The following DYRK4 variants were observed in gnomAD, a reference collection of about 807,000 sequenced individuals.
DYRK4 encodes the protein dual specificity tyrosine-phosphorylation-regulated kinase 4.
DYRK4 carries 64 observed loss-of-function variants against 68.3 expected under a neutral mutation model. The observed-to-expected ratio is 0.94, with a 90% CI of 0.77 to 1.15. The LOEUF (loss-of-function observed/expected upper bound fraction) is 1.15, where lower values mean the gene tolerates loss of function less well. DYRK4 is among the 50% of genes most tolerant of loss of function. The pLI, the probability that DYRK4 is intolerant of heterozygous loss-of-function variation, is 0.00. For synonymous variants in DYRK4, 274 were observed against 289.9 expected, an observed-to-expected ratio of 0.95 and a Z score of 0.56; for missense variants, 740 against 764.7, an observed-to-expected ratio of 0.97 and a Z score of 0.38.
chr12:4,562,233 C>A lies in DYRK4; in HGVS notation c.-13C>A. 1 of 1,525,196 alleles carries A rather than the reference C, an allele frequency of 6.6e-7. No homozygotes were observed. Among genetic ancestry groups the A allele is most frequent in the Non-Finnish European group, 8.8e-7 (1 of 1,141,692 alleles). The allele number at this position is 1,525,196 out of a possible 1,614,324, so 94.5% of individuals were successfully genotyped here. A position where few individuals can be genotyped will look rare whatever the true frequency, so the allele number is the denominator to read the frequency against. On this transcript the variant is annotated 5_prime_UTR_variant, in exon 1 of 15. Transcript: ENST00000543431. Reference sequence around the variant, plus strand: ...ACAGCCTCCCGCAGCGGCGGGCGGTCAGCGCCGGCCTCATGCAGCTCCTCC... The same window carrying A: ...ACAGCCTCCCGCAGCGGCGGGCGGTAAGCGCCGGCCTCATGCAGCTCCTCC...
chr12:4,571,645 T>A (rs1944731544), intron 2 of DYRK4, among the ~76,000 whole-genome samples: 1 of 152,230 alleles, frequency 6.6e-6, no homozygotes, highest in Admixed American at 6.5e-5. Context: ...TTTTATCGTA[T>A]GCCAATTAAT....
intron 1 of DYRK4, chr12:4,562,964 C>T: frequency 2.4e-6 from 1 of 422,194 alleles, no homozygotes; most frequent in South Asian, 1.7e-5. Flanking sequence ...AAATGTCCAG[C>T]AGCCCCTCAA....
chr12:4,562,761 A>G (rs1170234121), intron 1 of DYRK4, among the ~76,000 whole-genome samples: 2 of 152,216 alleles, frequency 1.3e-5, no homozygotes, highest in East Asian at 1.9e-4. Flanking sequence ...CCCAGCCCAT[A>G]TGCCCGGGCA....
chr12:4,585,821 T>C (rs1019169040), intron 2 of DYRK4, among the ~76,000 whole-genome samples: 21 of 152,248 alleles, frequency 1.4e-4, no homozygotes, highest in African/African-American at 5.1e-4. Context: ...AAGCAGTACA[T>C]ATTCATACAA....
In DYRK4 at chr12:4,604,947, C is replaced by A. The variant is rs561851186; in HGVS notation, c.1160C>A (p.Ser387Tyr). The A allele has an allele frequency of 1.2e-6, 2 of 1,612,642 alleles. No individual in the cohort carries two copies. Among genetic ancestry groups the A allele is most frequent in the African/African-American group, 1.3e-5 (1 of 74,904 alleles). The change falls in exon 11 of 15, where the codon TCC becomes TAC. Residue 387 changes from serine to tyrosine, a missense_variant. By Grantham distance (144) the Ser-to-Tyr change is moderately radical (BLOSUM62 -2). Coordinates refer to ENST00000543431, the MANE Select transcript of DYRK4 (RefSeq NM_001394779.1). Reference protein sequence around the residue: ...YTYIQSRFYRSPEVILGHPYD... With the variant: ...YTYIQSRFYRYPEVILGHPYD... ...TACATCCAAAGCCGGTTCTACCGATCCCCAGAAGTGATCCTGGGCCACCCC... is the reference window on the plus strand; with the variant it reads ...TACATCCAAAGCCGGTTCTACCGATACCCAGAAGTGATCCTGGGCCACCCC...
intron 11 of DYRK4, 77 bp from the exon 12 acceptor site, chr12:4,607,250 C>T: frequency 6.4e-7 from 1 of 1,569,664 alleles, no homozygotes; most frequent in Non-Finnish European, 8.8e-7. Flanking sequence ...CAAAGCTTGG[C>T]CAAAGTACGC....
At chr12:4,574,630 T>A (rs1326289507) in intron 2 of DYRK4, among the ~76,000 whole-genome samples, 1 of 152,254 alleles carries the variant, frequency 6.6e-6, no homozygotes, top group African/African-American at 2.4e-5. Flanking sequence ...TTAACTACCA[T>A]GTTTCATTAT....
chr12:4,565,627 CTTT>C (rs10717580), intron 1 of DYRK4, among the ~76,000 whole-genome samples: 1 of 143,896 alleles, frequency 6.9e-6, no homozygotes. Context: ...TTCACATTTA[CTTT>C]TTTTTTTTTT....
intron 10 of DYRK4, chr12:4,602,537 T>G: frequency 1.7e-6 from 2 of 1,176,946 alleles, no homozygotes; most frequent in South Asian, 2.5e-5. Context: ...AGCCAACTTA[T>G]AAGTGGAGGG....
intron 5 of DYRK4, 91 bp from the exon 6 acceptor site, chr12:4,592,911 C>A: frequency 6.6e-7 from 1 of 1,507,198 alleles, no homozygotes; most frequent in Non-Finnish European, 9.0e-7. Context: ...AGGCTGATGG[C>A]TCGTGACCTG....
At chr12:4,601,940 G>T in intron 10 of DYRK4, 1 of 282,306 alleles carries the variant, frequency 3.5e-6, no homozygotes, top group Non-Finnish European at 6.7e-6. Flanking sequence ...TACCAAAGTT[G>T]CATCTTGAAA....
At chr12:4,609,284 T>C (rs1945190170) in intron 12 of DYRK4, among the ~76,000 whole-genome samples, 1 of 152,222 alleles carries the variant, frequency 6.6e-6, no homozygotes, top group South Asian at 2.1e-4. Flanking sequence ...GTAAGAATCA[T>C]TTGGGGACTT....
chr12:4,608,899 G>C (rs1007195580), intron 12 of DYRK4, among the ~76,000 whole-genome samples: 1 of 152,206 alleles, frequency 6.6e-6, no homozygotes, highest in Non-Finnish European at 1.5e-5. Flanking sequence ...TGGCTCCCCA[G>C]TATAATTTAC....
chr12:4,601,783 T>A (rs1945083229), intron 10 of DYRK4, among the ~76,000 whole-genome samples: 1 of 152,138 alleles, frequency 6.6e-6, no homozygotes, highest in Admixed American at 6.5e-5. Context: ...TTTTAAAATT[T>A]TTTTAAATTA....
At chr12:4,603,166 C>T (rs759461420) in intron 10 of DYRK4, 33 of 1,301,282 alleles carry the variant, frequency 2.5e-5, no homozygotes, top group African/African-American at 2.0e-4. Context: ...TACTCGGTAC[C>T]GAAATGAAGT....
chr12:4,568,117 G>C (rs1405659073), intron 2 of DYRK4, 69 bp downstream of exon 2: 1 of 1,381,934 alleles, frequency 7.2e-7, no homozygotes, highest in Non-Finnish European at 9.9e-7. Context: ...TCAGGACCCA[G>C]TGCTGATGGT....
chr12:4,602,859 G>T, intron 10 of DYRK4: 1 of 1,111,610 alleles, frequency 9.0e-7, no homozygotes, highest in Non-Finnish European at 1.4e-6. Context: ...ATACATCACT[G>T]TGACAGTTTC....
chr12:4,606,415 A>G (rs1250950264), intron 11 of DYRK4, among the ~76,000 whole-genome samples: 1 of 152,210 alleles, frequency 6.6e-6, no homozygotes, highest in East Asian at 1.9e-4. Flanking sequence ...AGAATGACTA[A>G]ACATAGATAA....
chr12:4,607,466 C>T (rs1591808226), intron 12 of DYRK4, 79 bp downstream of exon 12: 3 of 1,491,694 alleles, frequency 2.0e-6, no homozygotes, highest in Non-Finnish European at 2.8e-6. Flanking sequence ...TCATTCTTTT[C>T]CCCTGGCCAC....
Sources: allele counts gnomAD v4.1 joint callset (sites outside exome capture counted in the v4.1 genomes callset), GRCh38; gene constraint gnomAD v4.1.1; transcripts MANE v1.5; gene names NCBI Gene and HGNC (gene_info 2026-07-23, HGNC 2026-07-21).